GASK1A: variants seen among roughly 807,000 people sequenced by gnomAD.
The protein encoded by GASK1A is golgi associated kinase 1A, also known as Golgi-associated kinase 1A.
Under a neutral mutation model 41.2 loss-of-function variants are expected in GASK1A, and 40 were observed. That is an observed-to-expected ratio of 0.97 (90% CI 0.75 to 1.27). The LOEUF is 1.27. Ranked by LOEUF, GASK1A falls within the 50% of genes most tolerant of loss-of-function variation. The pLI, the probability that GASK1A is intolerant of heterozygous loss-of-function variation, is 0.00. For missense variants in GASK1A, 678 were observed against 745.1 expected (o/e 0.91, Z 1.05); for synonymous variants, 316 against 307.1 (o/e 1.03, Z -0.30).
In GASK1A at chr3:42,979,577, G is replaced by T. The variant is rs2089269204; in HGVS notation, c.-66G>T. 1 of 1,238,376 alleles carries T rather than the reference G, an allele frequency of 8.1e-7. No homozygotes were observed. 76.7% of individuals were successfully genotyped at this position (1,238,376 alleles called of 1,614,324 possible). On this transcript the variant is annotated 5_prime_UTR_variant, in exon 1 of 5. Transcript: ENST00000430121. ...GCCACGGCGCCGGGGGCGGCCAAGGGGAGGCGGGATGAGTCTGCGAGCCGG... is the reference window on the plus strand; with the variant it reads ...GCCACGGCGCCGGGGGCGGCCAAGGTGAGGCGGGATGAGTCTGCGAGCCGG...
Position 43,053,533 on chromosome 3 carries a change from T to A in GASK1A, c.1303T>A (p.Leu435Met). 1 of 1,549,048 alleles carries A rather than the reference T, an allele frequency of 6.5e-7. No individual in the cohort carries two copies. Among genetic ancestry groups the A allele is most frequent in the South Asian group, 1.2e-5 (1 of 83,930 alleles). ...FDFLLQVHDR[L>M]DRYCCGFEPE... ...GGTGTCTCCACAGGTCCACGACCGCTTGGATCGCTACTGCTGTGGCTTCGA... is the reference window on the plus strand; with the variant it reads ...GGTGTCTCCACAGGTCCACGACCGCATGGATCGCTACTGCTGTGGCTTCGA... The change falls in exon 3 of 5, where the codon TTG becomes ATG. Residue 435 changes from leucine to methionine, a missense_variant. Transcript: ENST00000430121.
chr3:42,982,825 G>T (rs1212040334), intron 1 of GASK1A, among the ~76,000 whole-genome samples: 1 of 152,222 alleles, frequency 6.6e-6, no homozygotes, highest in Non-Finnish European at 1.5e-5. Flanking sequence ...TCTTCACTCT[G>T]TGCTGTGGGC....
chr3:43,028,229 G>C lies in GASK1A; in HGVS notation c.4-4038G>C, dbSNP rs553794628. 2.3e-3 allele frequency among the ~76,000 whole-genome samples: 351 copies of C among 152,288 alleles called. 3 individuals carry two copies. Among genetic ancestry groups the C allele is most frequent in the African/African-American group, 8.1e-3 (335 of 41,546 alleles). On this transcript the variant is annotated intron_variant, in intron 1 of 4. Transcript: ENST00000430121. ...CAGACATAAAGAGGCTGTTCTAACA[G>C]TCTTAAGGTCTGTGTTGATGTCAAT...
Position 42,984,314 on chromosome 3 carries a change from T to TCTTTC in GASK1A, c.3+4669_3+4670insCTTTC. On this transcript the variant is annotated intron_variant, in intron 1 of 4. Coordinates refer to ENST00000430121, the MANE Select transcript of GASK1A (RefSeq NM_001129908.3). The surrounding 1 kb of genome is among the most constrained non-coding windows in gnomAD (Gnocchi z 4.2). The stretch of plus-strand genomic sequence containing the variant: ...ACTTCCTATCTCTCTCTCTCTCTCT[T>TCTTTC]TCTCTCTCTCTCACACACACACACG... 1.2e-5 allele frequency among the ~76,000 whole-genome samples: 1 copy of TCTTTC among 85,034 alleles called. No individual in the cohort carries two copies. Among genetic ancestry groups the TCTTTC allele is most frequent in the African/African-American group, 3.6e-5 (1 of 27,788 alleles). The allele number at this position is 85,034 out of a possible 152,430, so 55.8% of individuals were successfully genotyped here. A position where few individuals can be genotyped will look rare whatever the true frequency, so the allele number is the denominator to read the frequency against.
intron 1 of GASK1A, among the ~76,000 whole-genome samples, chr3:43,003,138 A>G (rs184452857): frequency 2.0e-5 from 3 of 152,268 alleles, no homozygotes; most frequent in Admixed American, 1.3e-4. Context: ...TAATCCCTTC[A>G]GATTATGTCT....
rs1021984991 is a variant in GASK1A at position 42,984,304 on chromosome 3, C to A, written c.3+4659C>A. Among the ~76,000 whole-genome samples the A allele has an allele frequency of 6.6e-6, 1 of 151,482 alleles. No homozygotes were observed. The highest frequency in any genetic ancestry group is 2.4e-5 in the African/African-American group (1 of 41,212). ...TGTGGATTTCACTTCCTATCTCTCT[C>A]TCTCTCTCTTTCTCTCTCTCTCACA... On this transcript the variant is annotated intron_variant, in intron 1 of 4. Transcript: ENST00000430121. The surrounding 1 kb of genome is among the most constrained non-coding windows in gnomAD (Gnocchi z 4.2).
intron 1 of GASK1A, among the ~76,000 whole-genome samples, chr3:43,030,583 C>G (rs2089570168): frequency 6.6e-6 from 1 of 152,234 alleles, no homozygotes; most frequent in Non-Finnish European, 1.5e-5. Flanking sequence ...CCTTCTCTCT[C>G]CCTGCAGACT....
At chr3:42,983,315 C>T (rs148478455) in intron 1 of GASK1A, among the ~76,000 whole-genome samples, 5 of 151,962 alleles carry the variant, frequency 3.3e-5, no homozygotes, top group African/African-American at 1.2e-4. Context: ...ACAAACGACC[C>T]ACAAAAATAG....
At chr3:43,042,221 C>G (rs1011036799) in intron 2 of GASK1A, among the ~76,000 whole-genome samples, 3 of 150,770 alleles carry the variant, frequency 2.0e-5, no homozygotes, top group Admixed American at 6.6e-5. Context: ...GTAATCCCAG[C>G]AGTTTGAGTG....
chr3:43,040,591 G>A (rs1203731484), intron 2 of GASK1A, among the ~76,000 whole-genome samples: 1 of 152,096 alleles, frequency 6.6e-6, no homozygotes, highest in East Asian at 1.9e-4. Context: ...AACAGGTTAT[G>A]CCTCTCCATC....
intron 1 of GASK1A, among the ~76,000 whole-genome samples, chr3:42,981,036 G>T (rs2089280507): frequency 6.6e-6 from 1 of 152,196 alleles, no homozygotes; most frequent in African/African-American, 2.4e-5. Flanking sequence ...CTGGAGGAGA[G>T]ATGGTACCTG....
At chr3:43,039,038 C>CTTT (rs58111345) in intron 2 of GASK1A, among the ~76,000 whole-genome samples, 4 of 142,850 alleles carry the variant, frequency 2.8e-5, no homozygotes, top group African/African-American at 1.0e-4. Flanking sequence ...CCTCTTTTGA[C>CTTT]TTTTTTTTTT....
intron 1 of GASK1A, among the ~76,000 whole-genome samples, chr3:43,015,324 GGTCACAGGAAGGGGCAGTGTGAA>G (rs2089485104): frequency 7.4e-6 from 1 of 134,834 alleles, no homozygotes; most frequent in Non-Finnish European, 1.6e-5. Flanking sequence ...GGGCTTGTGA[GGTCACAGGAAGGGGCAGTGTGAA>G]GTCACAGGAA....
At chr3:42,993,447 G>C (rs991931999) in intron 1 of GASK1A, among the ~76,000 whole-genome samples, 2 of 152,202 alleles carry the variant, frequency 1.3e-5, no homozygotes, top group Non-Finnish European at 2.9e-5. Flanking sequence ...AAAGAAGCAC[G>C]TGTAGGATTA....
At chr3:43,044,621 C>T (rs1299620376) in intron 2 of GASK1A, among the ~76,000 whole-genome samples, 1 of 152,158 alleles carries the variant, frequency 6.6e-6, no homozygotes, top group Non-Finnish European at 1.5e-5. Context: ...AGGATTCATC[C>T]CCAAATTCAT....
chr3:43,056,400 C>G lies in GASK1A; in HGVS notation c.*14C>G, dbSNP rs1179674172. On this transcript the variant is annotated 3_prime_UTR_variant, in exon 5 of 5. Coordinates refer to ENST00000430121, the MANE Select transcript of GASK1A (RefSeq NM_001129908.3). The stretch of plus-strand genomic sequence containing the variant: ...GAGGACCCATAAGCCGCACACAGCC[C>G]TGAGTCAATGAGCATCCATCCTGAT... 3 of 1,514,152 alleles carry G rather than the reference C, an allele frequency of 2.0e-6. No homozygotes were observed. The highest frequency in any genetic ancestry group is 4.3e-5 in the Admixed American group (2 of 46,354). 93.8% of individuals were successfully genotyped at this position (1,514,152 alleles called of 1,614,324 possible).
At chr3:43,005,780 A>G (rs771074625) in intron 1 of GASK1A, among the ~76,000 whole-genome samples, 21 of 152,370 alleles carry the variant, frequency 1.4e-4, no homozygotes, top group African/African-American at 2.6e-4. Flanking sequence ...AGAGAAATTC[A>G]TGCTAGTTTT....
At chr3:43,024,476 T>C (rs2089536566) in intron 1 of GASK1A, among the ~76,000 whole-genome samples, 1 of 152,178 alleles carries the variant, frequency 6.6e-6, no homozygotes, top group Non-Finnish European at 1.5e-5. Flanking sequence ...TATTTTTGTG[T>C]CTCTGTGTCT....
At chr3:43,049,745 T>A (rs1156701747) in intron 2 of GASK1A, among the ~76,000 whole-genome samples, 1 of 152,230 alleles carries the variant, frequency 6.6e-6, no homozygotes, top group Non-Finnish European at 1.5e-5. Flanking sequence ...GACTATTGAA[T>A]GCTGTCTCAT....
Sources: gnomAD v4.1 joint callset for allele counts (sites outside exome capture counted in the v4.1 genomes callset) on GRCh38, gnomAD v4.1.1 for gene constraint, Gnocchi (gnomAD v3.1) non-coding constraint, MANE v1.5 for transcripts, NCBI Gene and HGNC (gene_info 2026-07-23, HGNC 2026-07-21) for gene names.